The following DOCK1 variants were observed in gnomAD, a reference collection of about 807,000 sequenced individuals.
The protein encoded by DOCK1 is dedicator of cytokinesis 1, also known as dedicator of cytokinesis protein 1.
A neutral mutation model predicts 262.7 loss-of-function variants in DOCK1; 138 were observed. The observed-to-expected ratio is 0.53, with a 90% CI of 0.46 to 0.61. The LOEUF is 0.61. Among genes scored for constraint, DOCK1 ranks in the 20% least tolerant of loss-of-function variants. The pLI is 0.00. For synonymous variants in DOCK1, 866 were observed against 867.4 expected, an observed-to-expected ratio of 1.00 and a Z score of 0.03; for missense variants, 1,908 against 2,370.7, an observed-to-expected ratio of 0.80 and a Z score of 4.05.
intron 23 of DOCK1, among the ~76,000 whole-genome samples, chr10:127,092,401 C>T (rs2047590821): frequency 6.6e-6 from 1 of 152,200 alleles, no homozygotes; most frequent in Non-Finnish European, 1.5e-5. Flanking sequence ...TGGCCGCCCT[C>T]TGTGCCACTC....
chr10:126,956,646 G>A (rs890885550), intron 1 of DOCK1, among the ~76,000 whole-genome samples: 4 of 152,218 alleles, frequency 2.6e-5, no homozygotes, highest in African/African-American at 7.2e-5. Context: ...GGGTGGCCCC[G>A]GCTGGATGGA....
In DOCK1 at chr10:127,018,743, A is replaced by T. The variant is rs765913843; in HGVS notation, c.1235A>T (p.Asp412Val). ...LWVTLKLLPG[D>V]IHQIRKEFPH... ...GTAACATTGAAATTACTTCCTGGAG[A>T]TATCCATCAGATCCGAAAAGAGTTT... The change falls in exon 13 of 52, where the codon GAT (aspartate) becomes GTT (valine). Residue 412 changes from aspartate (D) to valine (V), a missense_variant. Physicochemically the swap from Asp to Val is radical, Grantham distance 152. This residue lies in a region of DOCK1 where 294 missense variants were observed against 439.9 expected (regional missense o/e 0.67). Transcript: ENST00000623213. 1 of 1,614,032 alleles carries T rather than the reference A, an allele frequency of 6.2e-7. No individual in the cohort carries two copies. Among genetic ancestry groups the T allele is most frequent in the Admixed American group, 1.7e-5 (1 of 60,032 alleles).
chr10:127,192,989 T>C (rs1271017930), intron 27 of DOCK1, among the ~76,000 whole-genome samples: 1 of 152,234 alleles, frequency 6.6e-6, no homozygotes, highest in African/African-American at 2.4e-5. Context: ...AAGACTTCTC[T>C]CAATGTTTGT....
At chr10:127,144,359 C>A (rs986667227) in intron 27 of DOCK1, among the ~76,000 whole-genome samples, 1 of 152,184 alleles carries the variant, frequency 6.6e-6, no homozygotes, top group Non-Finnish European at 1.5e-5. Flanking sequence ...AGCATTGTCT[C>A]TAGGTTTCCA....
intron 19 of DOCK1, among the ~76,000 whole-genome samples, chr10:127,041,676 A>G (rs2044023676): frequency 6.6e-6 from 1 of 152,238 alleles, no homozygotes; most frequent in Non-Finnish European, 1.5e-5. Flanking sequence ...CATTTCTACC[A>G]GCAGTGTGCA....
At chr10:127,170,273 G>A (rs971182372) in intron 27 of DOCK1, among the ~76,000 whole-genome samples, 7 of 152,098 alleles carry the variant, frequency 4.6e-5, no homozygotes, top group Non-Finnish European at 8.8e-5. Flanking sequence ...ACAAAGCCCC[G>A]AAGCCTCAGG....
intron 27 of DOCK1, among the ~76,000 whole-genome samples, chr10:127,203,965 T>G (rs944900327): frequency 3.3e-5 from 5 of 152,192 alleles, no homozygotes; most frequent in Non-Finnish European, 5.9e-5. Flanking sequence ...CTTAATGTTT[T>G]TTTCTCTTTT....
At chr10:127,226,239 A>G (rs1164349501) in intron 27 of DOCK1, among the ~76,000 whole-genome samples, 1 of 152,210 alleles carries the variant, frequency 6.6e-6, no homozygotes, top group Non-Finnish European at 1.5e-5. Flanking sequence ...CATAAGGCTC[A>G]AGAAAAACTT....
At chr10:127,074,447 GC>G (rs981500796) in intron 23 of DOCK1, among the ~76,000 whole-genome samples, 5 of 152,134 alleles carry the variant, frequency 3.3e-5, no homozygotes, top group African/African-American at 1.2e-4. Flanking sequence ...CCTGTGCCAG[GC>G]AATATAGTTT....
intron 47 of DOCK1, among the ~76,000 whole-genome samples, chr10:127,433,048 T>G (rs2069409812): frequency 6.6e-6 from 1 of 152,228 alleles, no homozygotes; most frequent in South Asian, 2.1e-4. Flanking sequence ...CACTGTGTAT[T>G]AAAAGGCTAA....
intron 1 of DOCK1, among the ~76,000 whole-genome samples, chr10:126,942,678 C>G (rs947638643): frequency 1.3e-5 from 2 of 152,058 alleles, no homozygotes; most frequent in Non-Finnish European, 2.9e-5. Flanking sequence ...TCCATTATCC[C>G]GTTTATTTTT....
chr10:127,308,380 AC>A (rs1166305042), intron 29 of DOCK1, among the ~76,000 whole-genome samples: 9 of 152,154 alleles, frequency 5.9e-5, no homozygotes, highest in Non-Finnish European at 8.8e-5. Flanking sequence ...TCTCCCAGTT[AC>A]ACAGCCTTGA....
chr10:127,237,780 T>A (rs2059124744), intron 27 of DOCK1, among the ~76,000 whole-genome samples: 2 of 152,202 alleles, frequency 1.3e-5, no homozygotes, highest in East Asian at 3.9e-4. Flanking sequence ...TCCCTGGCAG[T>A]CTGTAATAAC....
intron 27 of DOCK1, among the ~76,000 whole-genome samples, chr10:127,214,653 C>A (rs543412074): frequency 6.6e-6 from 1 of 152,148 alleles, no homozygotes; most frequent in Non-Finnish European, 1.5e-5. Flanking sequence ...CTGCATTTAG[C>A]GATCTCCAGG....
intron 27 of DOCK1, among the ~76,000 whole-genome samples, chr10:127,169,884 C>T (rs1286043183): frequency 1.3e-5 from 2 of 152,284 alleles, no homozygotes; most frequent in African/African-American, 2.4e-5. Flanking sequence ...CAGGATACCA[C>T]ACTTCGTCTG....
intron 34 of DOCK1, 31 bp downstream of exon 34, chr10:127,373,897 C>A (rs776277118): frequency 1.3e-6 from 2 of 1,581,858 alleles, no homozygotes; most frequent in Non-Finnish European, 1.7e-6. Flanking sequence ...GGATTTATGT[C>A]TGAGAGATAC....
intron 1 of DOCK1, among the ~76,000 whole-genome samples, chr10:126,911,532 T>G (rs2031763848): frequency 6.6e-6 from 1 of 152,170 alleles, no homozygotes. Context: ...GTTGTCAAGA[T>G]GTTCACTTTT....
At chr10:127,311,839 C>G (rs2062073214) in intron 29 of DOCK1, among the ~76,000 whole-genome samples, 1 of 152,012 alleles carries the variant, frequency 6.6e-6, no homozygotes, top group Admixed American at 6.6e-5. Context: ...CAGTATATAT[C>G]CTGCATGTAC....
At chr10:126,963,600 C>CTTCCCTTCCG in intron 1 of DOCK1, among the ~76,000 whole-genome samples, 2 of 57,504 alleles carry the variant, frequency 3.5e-5, no homozygotes, top group African/African-American at 1.9e-4. Flanking sequence ...CTTCCCTTCC[C>CTTCCCTTCCG]TTCCCTTCCC....
Sources: allele counts gnomAD v4.1 joint callset (sites outside exome capture counted in the v4.1 genomes callset), GRCh38; gene constraint gnomAD v4.1.1; regional missense constraint gnomAD v4.1.1; transcripts MANE v1.5; gene names NCBI Gene and HGNC (gene_info 2026-07-23, HGNC 2026-07-21).